Variants in SNAP91 observed in about 807,000 individuals in gnomAD.
The protein encoded by SNAP91 is clathrin coat assembly protein AP180.
SNAP91 carries 27 observed loss-of-function variants against 100.3 expected under a neutral mutation model. That is an observed-to-expected ratio of 0.27 (90% CI 0.20 to 0.37). The LOEUF (loss-of-function observed/expected upper bound fraction) is 0.37. Among genes scored for constraint, SNAP91 ranks in the 10% least tolerant of loss-of-function variants. SNAP91 has a pLI of 1.00. For synonymous variants in SNAP91, 404 were observed against 398.6 expected, an observed-to-expected ratio of 1.01 and a Z score of -0.16; for missense variants, 986 against 1,123.7, an observed-to-expected ratio of 0.88 and a Z score of 1.75.
chr6:83,631,059 G>A (rs1027956964), intron 8 of SNAP91, among the ~76,000 whole-genome samples: 3 of 151,980 alleles, frequency 2.0e-5, no homozygotes, highest in Admixed American at 6.6e-5. Flanking sequence ...CATTCAGTTC[G>A]AAGAATTTTT....
chr6:83,699,783 C>T (rs193167107), intron 2 of SNAP91, among the ~76,000 whole-genome samples: 1 of 152,196 alleles, frequency 6.6e-6, no homozygotes, highest in South Asian at 2.1e-4. Flanking sequence ...GAATGCAGCC[C>T]CCGTCAAACA....
At chr6:83,603,194 C>T (rs1378164519) in intron 14 of SNAP91, among the ~76,000 whole-genome samples, 1 of 151,772 alleles carries the variant, frequency 6.6e-6, no homozygotes, top group East Asian at 1.9e-4. Flanking sequence ...ATGTGTTTAT[C>T]AAAAAAACTT....
chr6:83,617,634 T>C (rs1311465553), intron 9 of SNAP91, among the ~76,000 whole-genome samples: 2 of 151,300 alleles, frequency 1.3e-5, no homozygotes, highest in African/African-American at 4.8e-5. Flanking sequence ...AAGTAACTTT[T>C]AGCAAATATA....
chr6:83,643,144 A>G lies in SNAP91; in HGVS notation c.659-1942T>C, dbSNP rs570790437. Among the ~76,000 whole-genome samples, 29 of 152,030 alleles carry G rather than the reference A, an allele frequency of 1.9e-4. No homozygotes were observed. In the East Asian group the frequency reaches 1.9e-3, roughly 10 times the overall value. On this transcript the variant is annotated intron_variant, in intron 7 of 29. Coordinates refer to ENST00000369694, the MANE Select transcript of SNAP91 (RefSeq NM_001242792.2). ...TTTTCTCCCATTTTGTAGGTTGCCT[A>G]TTCACTCTGATGGTAGTTTCTTTTG... is the stretch of plus-strand genomic sequence containing the variant.
intron 26 of SNAP91, 136 bp downstream of exon 26, chr6:83,574,874 T>C (rs566476349): frequency 1.0e-4 from 58 of 570,138 alleles, no homozygotes; most frequent in African/African-American, 9.6e-4. Flanking sequence ...TGGGCTGGAG[T>C]GCTACTTGCT....
intron 26 of SNAP91, among the ~76,000 whole-genome samples, chr6:83,566,182 C>T (rs1796337268): frequency 6.6e-6 from 1 of 151,978 alleles, no homozygotes; most frequent in Admixed American, 6.6e-5. Context: ...TAAAAGAAGC[C>T]AGGCATAAAA....
Position 83,699,948 on chromosome 6 carries a change from T to C in SNAP91, c.130+7850A>G, listed in dbSNP as rs895860000. 2.6e-5 allele frequency among the ~76,000 whole-genome samples: 4 copies of C among 152,204 alleles called. No homozygotes were observed. In the East Asian group the frequency reaches 7.7e-4, roughly 29 times the overall value. On this transcript the variant is annotated intron_variant, in intron 2 of 29. Transcript: ENST00000369694. Reference sequence around the variant, plus strand: ...CAAAATATAGTTCAAGAAAAGGATATAGTTCAAGAAAATCTTATATATGAT... The same window carrying C: ...CAAAATATAGTTCAAGAAAAGGATACAGTTCAAGAAAATCTTATATATGAT...
At position 83,703,585 on chromosome 6, in the gene SNAP91, T is replaced by C. The variant is rs376811315; in HGVS notation, c.130+4213A>G. On this transcript the variant is annotated intron_variant, in intron 2 of 29. Coordinates refer to ENST00000369694, the MANE Select transcript of SNAP91 (RefSeq NM_001242792.2). ...TTGGGTTGATGTGCCAGTATTTGTC[T>C]TGAATCAAAACTCAGTACATGTCTC... 9.2e-5 allele frequency among the ~76,000 whole-genome samples: 14 copies of C among 152,226 alleles called. No individual in the cohort carries two copies. In the East Asian group the frequency reaches 2.5e-3, roughly 27 times the overall value.
At chr6:83,661,725 G>A (rs566925919) in intron 4 of SNAP91, 121 bp from the exon 5 acceptor site, 87 of 482,490 alleles carry the variant, frequency 1.8e-4, no homozygotes, top group Non-Finnish European at 2.7e-4. Context: ...GTCAATAACT[G>A]TATCAGATAG....
At chr6:83,669,875 ATTAT>A (rs1018166230) in intron 2 of SNAP91, among the ~76,000 whole-genome samples, 31 of 151,994 alleles carry the variant, frequency 2.0e-4, no homozygotes, top group African/African-American at 6.3e-4. Context: ...ACATACAAAA[ATTAT>A]TTATTCATTC....
chr6:83,670,479 T>C (rs1304557644), intron 2 of SNAP91, among the ~76,000 whole-genome samples: 2 of 151,914 alleles, frequency 1.3e-5, no homozygotes, highest in Non-Finnish European at 2.9e-5. Context: ...TCTAAATCTA[T>C]GGCTTCCCTT....
At chr6:83,576,930 G>A (rs1819749325) in intron 24 of SNAP91, among the ~76,000 whole-genome samples, 1 of 152,202 alleles carries the variant, frequency 6.6e-6, no homozygotes, top group African/African-American at 2.4e-5. Context: ...AAAGAAAACA[G>A]TCAGAGAGTC....
chr6:83,564,861 AT>A (rs1454661222), intron 26 of SNAP91, among the ~76,000 whole-genome samples: 1 of 152,134 alleles, frequency 6.6e-6, no homozygotes, highest in Non-Finnish European at 1.5e-5. Context: ...GTTTTTAAAA[AT>A]ATGACACCAA....
intron 9 of SNAP91, among the ~76,000 whole-genome samples, chr6:83,620,132 C>G (rs1377599476): frequency 2.0e-5 from 3 of 152,172 alleles, no homozygotes; most frequent in Non-Finnish European, 4.4e-5. Context: ...TGTACAGTCT[C>G]TAACCTAAAA....
intron 23 of SNAP91, 123 bp from the exon 24 acceptor site, chr6:83,580,722 G>T: frequency 1.1e-6 from 1 of 904,592 alleles, no homozygotes; most frequent in Non-Finnish European, 1.6e-6. Flanking sequence ...ATAAAAGAAG[G>T]CAAGTAATTC....
At chr6:83,641,298 G>A (rs1396201884) in intron 7 of SNAP91, 96 bp from the exon 8 acceptor site, 5 of 555,634 alleles carry the variant, frequency 9.0e-6, no homozygotes, top group Non-Finnish European at 1.5e-5. Flanking sequence ...CTTAATTAAT[G>A]TTTGAATCAA....
chr6:83,593,618 G>A lies in SNAP91; in HGVS notation c.1556C>T (p.Pro519Leu). The A allele has an allele frequency of 6.2e-7, 1 of 1,605,466 alleles. No individual in the cohort carries two copies. The highest frequency in any genetic ancestry group is 8.5e-7 in the Non-Finnish European group (1 of 1,175,780). Reference protein sequence around the residue: ...TPTASTAPPVPATAPSPAPAV... With the variant: ...TPTASTAPPVLATAPSPAPAV... ...AGGAGCAGGAGAAGGAGCAGTTGCG[G>A]GAACTGGAGGGGCTGTGCTAGCTGT... is the stretch of plus-strand genomic sequence containing the variant. Residue 519 changes from proline to leucine, a missense_variant, in exon 18 of 30, where the codon CCC (proline) becomes CTC (leucine). Physicochemically the swap from Pro to Leu is moderately conservative, Grantham distance 98. Coordinates refer to ENST00000369694, the MANE Select transcript of SNAP91 (RefSeq NM_001242792.2).
chr6:83,611,391 ATCACTTCTAGGAAAG>A, intron 11 of SNAP91: 2 of 449,026 alleles, frequency 4.5e-6, no homozygotes, highest in Non-Finnish European at 8.9e-6. Context: ...ACTATTGCAG[ATCACTTCTAGGAAAG>A]TGCTTCAGAA....
rs990259896 is a variant in SNAP91 at position 83,553,954 on chromosome 6, C to T, written c.*342G>A. 7 of 152,510 alleles carry T rather than the reference C, an allele frequency of 4.6e-5. 1 individual carries two copies. In the East Asian group the frequency reaches 5.8e-4, roughly 13 times the overall value. The allele number at this position is 152,510 out of a possible 1,614,324, so 9.4% of individuals were successfully genotyped here. On this transcript the variant is annotated 3_prime_UTR_variant, in exon 30 of 30. Transcript: ENST00000369694. The stretch of plus-strand genomic sequence containing the variant: ...ACATTGAAACCTTCAAAAACACAGA[C>T]GTCTTTCCAAATAGCTCGCCACACA...
Sources: gnomAD v4.1 joint callset for allele counts (sites outside exome capture counted in the v4.1 genomes callset) on GRCh38, gnomAD v4.1.1 for gene constraint, MANE v1.5 for transcripts, NCBI Gene and HGNC (gene_info 2026-07-23, HGNC 2026-07-21) for gene names.